Variants in GRIK4 observed in about 807,000 individuals in gnomAD.
The protein encoded by GRIK4 is glutamate ionotropic receptor kainate type subunit 4.
In GRIK4, 40 loss-of-function variants were observed where a neutral mutation model predicts 104.9. The ratio of observed to expected loss-of-function variants is 0.38; its 90% confidence interval spans 0.30 to 0.50. The LOEUF (loss-of-function observed/expected upper bound fraction) is 0.50. Ranked by LOEUF, GRIK4 falls within the 20% of genes least tolerant of loss-of-function variation. The pLI is 0.93. For missense variants in GRIK4, 1,047 were observed against 1,308.1 expected (o/e 0.80, Z 3.08); for synonymous variants, 485 against 524.9 (o/e 0.92, Z 1.04).
chr11:120,958,429 G>A (rs564669593), intron 16 of GRIK4, among the ~76,000 whole-genome samples: 5 of 152,242 alleles, frequency 3.3e-5, no homozygotes, highest in African/African-American at 4.8e-5. Context: ...TGGTCACTGC[G>A]CTTCTCTCCC....
intron 3 of GRIK4, among the ~76,000 whole-genome samples, chr11:120,669,734 G>C (rs1160960950): frequency 6.6e-6 from 1 of 152,178 alleles, no homozygotes; most frequent in Non-Finnish European, 1.5e-5. Flanking sequence ...AGTCTCCTTT[G>C]CTCGTTCCTC....
At chr11:120,676,509 T>C (rs774691978) in intron 3 of GRIK4, among the ~76,000 whole-genome samples, 4 of 152,192 alleles carry the variant, frequency 2.6e-5, no homozygotes, top group Non-Finnish European at 5.9e-5. Flanking sequence ...CATCACAACA[T>C]GGCAGAGAAG....
At chr11:120,854,002 T>A (rs987737209) in intron 8 of GRIK4, among the ~76,000 whole-genome samples, 2 of 152,224 alleles carry the variant, frequency 1.3e-5, no homozygotes, top group Non-Finnish European at 2.9e-5. Flanking sequence ...GCACCTCAGT[T>A]TGCTCTTCTA....
At chr11:120,657,172 A>G (rs572907260) in intron 2 of GRIK4, among the ~76,000 whole-genome samples, 6 of 152,358 alleles carry the variant, frequency 3.9e-5, no homozygotes, top group African/African-American at 1.4e-4. Context: ...GCCGTATAAT[A>G]TACCAGGCAC....
At chr11:120,883,476 CT>C (rs371261964) in intron 11 of GRIK4, among the ~76,000 whole-genome samples, 159 of 152,326 alleles carry the variant, frequency 1.0e-3, no homozygotes, top group African/African-American at 3.3e-3. Flanking sequence ...CTCTGAAATA[CT>C]TTCTCCTGTG....
At chr11:120,536,343 C>T (rs776996912) in intron 1 of GRIK4, among the ~76,000 whole-genome samples, 11 of 152,104 alleles carry the variant, frequency 7.2e-5, no homozygotes, top group Non-Finnish European at 1.6e-4. Context: ...AAAAGCTTTC[C>T]GAGTCTATGT....
intron 3 of GRIK4, among the ~76,000 whole-genome samples, chr11:120,686,229 GT>G (rs1950274946): frequency 6.6e-6 from 1 of 152,070 alleles, no homozygotes; most frequent in African/African-American, 2.4e-5. Flanking sequence ...CATTTTTAAA[GT>G]GTGACTTTAC....
intron 13 of GRIK4, among the ~76,000 whole-genome samples, chr11:120,934,038 A>G (rs1171653833): frequency 6.6e-6 from 1 of 152,020 alleles, no homozygotes; most frequent in Non-Finnish European, 1.5e-5. Flanking sequence ...CCCCATCTCT[A>G]CTAAAAATAT....
At chr11:120,629,040 C>T (rs1297896708) in intron 1 of GRIK4, among the ~76,000 whole-genome samples, 2 of 152,098 alleles carry the variant, frequency 1.3e-5, no homozygotes, top group South Asian at 4.2e-4. Context: ...GGCACGCGGC[C>T]GCTGATGGAG....
intron 8 of GRIK4, among the ~76,000 whole-genome samples, chr11:120,861,093 CTTTTTTTTTTTTTTTTTTT>C (rs547199127): frequency 5.8e-5 from 5 of 86,566 alleles, no homozygotes; most frequent in African/African-American, 1.3e-4. Flanking sequence ...AAATCATCCT[CTTTTTTTTTTTTTTTTTTT>C]TTTTTTTTTT....
At chr11:120,622,684 C>G (rs1490905311) in intron 1 of GRIK4, among the ~76,000 whole-genome samples, 1 of 152,210 alleles carries the variant, frequency 6.6e-6, no homozygotes, top group Non-Finnish European at 1.5e-5. Context: ...TATTCTTTCA[C>G]AATTCTGGAG....
chr11:120,514,608 G>A (rs1947702008), intron 1 of GRIK4, among the ~76,000 whole-genome samples: 1 of 152,116 alleles, frequency 6.6e-6, no homozygotes, highest in Non-Finnish European at 1.5e-5. Context: ...GCCTGGTGGA[G>A]TCTTTGCTCT....
rs1948697166 is a variant in GRIK4, at chr11:120,588,517, A to G, written c.-158-65168A>G. ...AGGTTTTCAGCAGGGACTTACTGCGATCCAGACTGGTCAGGAAAGCCTGAC... is the reference window on the plus strand; with the variant it reads ...AGGTTTTCAGCAGGGACTTACTGCGGTCCAGACTGGTCAGGAAAGCCTGAC... On this transcript the variant is annotated intron_variant, in intron 1 of 20. Coordinates refer to ENST00000527524, the MANE Select transcript of GRIK4 (RefSeq NM_014619.5). Among the ~76,000 whole-genome samples, 5 of 152,238 alleles carry G rather than the reference A, an allele frequency of 3.3e-5. No homozygotes were observed. In the South Asian group the frequency reaches 1.0e-3, roughly 32 times the overall value.
chr11:120,864,572 CA>C (rs1954355533), intron 9 of GRIK4, among the ~76,000 whole-genome samples: 1 of 152,128 alleles, frequency 6.6e-6, no homozygotes, highest in Non-Finnish European at 1.5e-5. Context: ...GAAAGGCTTG[CA>C]GTACAATATC....
intron 11 of GRIK4, among the ~76,000 whole-genome samples, chr11:120,884,408 G>A (rs998476426): frequency 3.9e-5 from 6 of 152,160 alleles, no homozygotes; most frequent in Non-Finnish European, 7.4e-5. Context: ...AGAACAAAAC[G>A]GGGGTGAGCG....
At chr11:120,770,402 A>G (rs1219889284) in intron 3 of GRIK4, among the ~76,000 whole-genome samples, 2 of 152,198 alleles carry the variant, frequency 1.3e-5, no homozygotes, top group African/African-American at 4.8e-5. Flanking sequence ...TTCTAAAAAC[A>G]CGTTACCTCT....
intron 7 of GRIK4, 101 bp downstream of exon 7, chr11:120,832,131 G>A: frequency 6.9e-6 from 5 of 723,592 alleles, no homozygotes; most frequent in South Asian, 6.1e-5. Flanking sequence ...GCCCCGGGCT[G>A]GACCTGAACT....
chr11:120,658,727 C>CTTTTTTT (rs71050753), intron 2 of GRIK4, among the ~76,000 whole-genome samples: 2 of 56,746 alleles, frequency 3.5e-5, no homozygotes, highest in African/African-American at 9.5e-5. Flanking sequence ...GAGGACGAAA[C>CTTTTTTT]TTTTTTTTTT....
chr11:120,655,816 C>CT (rs1040434761), intron 2 of GRIK4, among the ~76,000 whole-genome samples: 4 of 152,124 alleles, frequency 2.6e-5, no homozygotes, highest in Admixed American at 6.5e-5. Context: ...GTGTTACCTA[C>CT]TAAGAAGAGG....
Sources: allele counts gnomAD v4.1 joint callset (sites outside exome capture counted in the v4.1 genomes callset), GRCh38; gene constraint gnomAD v4.1.1; transcripts MANE v1.5; gene names NCBI Gene and HGNC (gene_info 2026-07-23, HGNC 2026-07-21).